The following MOSMO variants were observed in gnomAD, a reference collection of about 807,000 sequenced individuals.
MOSMO encodes modulator of smoothened protein.
MOSMO carries 5 observed loss-of-function variants against 18.4 expected under a neutral mutation model. The ratio of observed to expected loss-of-function variants is 0.27; its 90% CI spans 0.14 to 0.57. MOSMO has a LOEUF of 0.57. Among genes scored for constraint, MOSMO ranks in the 20% least tolerant of loss-of-function variants. MOSMO has a pLI of 0.92. For missense variants in MOSMO, 138 were observed against 211.8 expected, an observed-to-expected ratio of 0.65 and a Z score of 2.16; for synonymous variants, 82 against 82.3, an observed-to-expected ratio of 1.00 and a Z score of 0.02.
intron 1 of MOSMO, among the ~76,000 whole-genome samples, chr16:22,037,957 A>G (rs1900139524): frequency 6.6e-6 from 1 of 152,172 alleles, no homozygotes; most frequent in African/African-American, 2.4e-5. Context: ...TTCAACCTTT[A>G]GCCCCTCTCC....
chr16:22,014,966 T>A (rs1437341232), intron 1 of MOSMO, among the ~76,000 whole-genome samples: 1 of 152,178 alleles, frequency 6.6e-6, no homozygotes, highest in Non-Finnish European at 1.5e-5. Flanking sequence ...ATACTAAAAT[T>A]CATCCATTTA....
chr16:22,029,324 C>T (rs181768584), intron 1 of MOSMO, among the ~76,000 whole-genome samples: 17 of 152,254 alleles, frequency 1.1e-4, no homozygotes, highest in Admixed American at 4.6e-4. Flanking sequence ...GTAGTTATTT[C>T]TTGAGTTGCC....
chr16:22,070,595 T>C (rs1900829477), intron 1 of MOSMO, among the ~76,000 whole-genome samples: 1 of 152,234 alleles, frequency 6.6e-6, no homozygotes, highest in Admixed American at 6.5e-5. Context: ...CAGCCTATTA[T>C]GTTACTCAGG....
chr16:22,083,929 A>T lies in MOSMO; in HGVS notation c.*3049A>T. 3.4e-6 allele frequency: 1 copy of T among 291,000 alleles called. No individual in the cohort carries two copies. Among genetic ancestry groups the T allele is most frequent in the South Asian group, 3.2e-5 (1 of 31,740 alleles). 18.0% of individuals were successfully genotyped at this position (291,000 alleles called of 1,614,324 possible). ...AATTTTTCTGACTCTTCCACCTCTT[A>T]TAAACCTATTTTCTGTTTCATTTGT... On this transcript the variant is annotated 3_prime_UTR_variant, in exon 3 of 3. Coordinates refer to ENST00000542527, the MANE Select transcript of MOSMO (RefSeq NM_001164579.2).
downstream of MOSMO, chr16:22,092,471 GA>G: frequency 1.4e-6 from 1 of 735,408 alleles, no homozygotes; most frequent in Non-Finnish European, 2.1e-6. Context: ...TCCCTGCCCC[GA>G]GCTGCAGTGG....
chr16:22,089,561 G>C (rs967880272), downstream of MOSMO, among the ~76,000 whole-genome samples: 1 of 152,144 alleles, frequency 6.6e-6, no homozygotes, highest in African/African-American at 2.4e-5. Context: ...CTGGTTATTG[G>C]AGTACTCTAA....
intron 1 of MOSMO, among the ~76,000 whole-genome samples, chr16:22,010,640 C>T (rs920738714): frequency 2.5e-4 from 38 of 152,122 alleles, no homozygotes; most frequent in African/African-American, 9.2e-4. Context: ...AGGGCATAGC[C>T]GGGCGTGGTG....
intron 1 of MOSMO, among the ~76,000 whole-genome samples, chr16:22,046,280 G>A (rs1307084867): frequency 1.3e-5 from 2 of 152,056 alleles, no homozygotes; most frequent in South Asian, 2.1e-4. Context: ...TAATACAGTC[G>A]ATTCTCATGT....
At chr16:22,053,972 A>G (rs1300417918) in intron 1 of MOSMO, among the ~76,000 whole-genome samples, 1 of 152,246 alleles carries the variant, frequency 6.6e-6, no homozygotes, top group African/African-American at 2.4e-5. Context: ...ATGTGTGTAT[A>G]GAGAGAAAGG....
Position 22,033,613 on chromosome 16 carries a change from C to T in MOSMO, c.106+25206C>T, listed in dbSNP as rs977754104. Among the ~76,000 whole-genome samples, 10 of 151,782 alleles carry T rather than the reference C, an allele frequency of 6.6e-5. No homozygotes were observed. The South Asian group carries it at 1.9e-3, about 28-fold the overall frequency. On this transcript the variant is annotated intron_variant, in intron 1 of 2. Coordinates refer to ENST00000542527, the MANE Select transcript of MOSMO (RefSeq NM_001164579.2). ...CGGGCAGATCACGAGGTCAGGAGAT[C>T]GAGACCATCCTGACTAACCTTGAAA...
chr16:22,020,708 ATACT>A (rs914911487), intron 1 of MOSMO, among the ~76,000 whole-genome samples: 6 of 152,342 alleles, frequency 3.9e-5, no homozygotes, highest in East Asian at 3.9e-4. Flanking sequence ...TGTAGTTGAA[ATACT>A]TACTTCTGCA....
At chr16:22,056,555 T>TA (rs989920302) in intron 1 of MOSMO, among the ~76,000 whole-genome samples, 27 of 140,290 alleles carry the variant, frequency 1.9e-4, no homozygotes, top group East Asian at 1.4e-3. Flanking sequence ...TATATATATA[T>TA]TTTTTTTTGG....
intron 1 of MOSMO, among the ~76,000 whole-genome samples, chr16:22,045,385 G>C (rs1303791510): frequency 6.6e-6 from 1 of 152,150 alleles, no homozygotes; most frequent in Non-Finnish European, 1.5e-5. Flanking sequence ...GCTGGGGCTA[G>C]AGCACCATAG....
intron 1 of MOSMO, among the ~76,000 whole-genome samples, chr16:22,013,415 A>G (rs1899573753): frequency 6.6e-6 from 1 of 152,220 alleles, no homozygotes; most frequent in Non-Finnish European, 1.5e-5. Flanking sequence ...GAAGAGGGAA[A>G]GAAGGAGACT....
intron 1 of MOSMO, among the ~76,000 whole-genome samples, chr16:22,021,569 G>A (rs1284831758): frequency 6.6e-6 from 1 of 152,124 alleles, no homozygotes; most frequent in Non-Finnish European, 1.5e-5. Context: ...GGCCGAGATG[G>A]GCAGATCGCT....
chr16:22,056,796 C>G (rs1285378989), intron 1 of MOSMO, among the ~76,000 whole-genome samples: 1 of 152,146 alleles, frequency 6.6e-6, no homozygotes, highest in Non-Finnish European at 1.5e-5. Flanking sequence ...AACCAACATA[C>G]TCCCCAAGAC....
rs1238438005 is a variant in MOSMO at position 22,083,435 on chromosome 16, AAGTCTTCG to A, written c.*2556_*2563del. 2 of 269,286 alleles carry A rather than the reference AAGTCTTCG, an allele frequency of 7.4e-6. No homozygotes were observed. Among genetic ancestry groups the A allele is most frequent in the Admixed American group, 5.6e-5 (1 of 17,990 alleles). 16.7% of individuals were successfully genotyped at this position (269,286 alleles called of 1,614,324 possible). ...ATCCCATCAAGTAGTATGTGAAGTC[AAGTCTTCG>A]TACTCTTGCAGACCAGACATTGAAA... On this transcript the variant is annotated 3_prime_UTR_variant, in exon 3 of 3. Coordinates refer to ENST00000542527, the MANE Select transcript of MOSMO (RefSeq NM_001164579.2).
intron 1 of MOSMO, among the ~76,000 whole-genome samples, chr16:22,018,974 C>T (rs560611127): frequency 6.6e-6 from 1 of 151,538 alleles, no homozygotes; most frequent in East Asian, 1.9e-4. Flanking sequence ...ACTTGTATAG[C>T]ATTTACTTTG....
intron 1 of MOSMO, among the ~76,000 whole-genome samples, chr16:22,034,744 GTTTTTTTTTTTTTTTT>G (rs890874059): frequency 9.9e-4 from 55 of 55,474 alleles, no homozygotes; most frequent in South Asian, 6.2e-3. Context: ...GTTTTTTTGG[GTTTTTTTTTTTTTTTT>G]TTTTTTTTTT....
Sources: allele counts gnomAD v4.1 joint callset (sites outside exome capture counted in the v4.1 genomes callset), GRCh38; gene constraint gnomAD v4.1.1; transcripts MANE v1.5; gene names NCBI Gene and HGNC (gene_info 2026-07-23, HGNC 2026-07-21).